TXLNA: variants seen among roughly 807,000 people sequenced by gnomAD.
TXLNA encodes alpha-taxilin.
A neutral mutation model predicts 61.4 loss-of-function variants in TXLNA; 9 were observed. The observed-to-expected ratio is 0.15, with a 90% CI of 0.09 to 0.26. The LOEUF (loss-of-function observed/expected upper bound fraction) is 0.26, where lower values mean the gene tolerates loss of function less well. Ranked by LOEUF, TXLNA falls within the 10% of genes least tolerant of loss-of-function variation. The pLI is 1.00. For missense variants in TXLNA, 565 were observed against 688.8 expected (o/e 0.82, Z 2.01); for synonymous variants, 257 against 267.7 (o/e 0.96, Z 0.39).
At chr1:32,183,039 C>T (rs578172085) in intron 3 of TXLNA, among the ~76,000 whole-genome samples, 2 of 152,018 alleles carry the variant, frequency 1.3e-5, no homozygotes, top group East Asian at 3.9e-4. Flanking sequence ...TGCACTCCAG[C>T]CTGGGTGACA....
intron 5 of TXLNA, 52 bp from the exon 6 acceptor site, chr1:32,190,003 C>T: frequency 1.3e-6 from 2 of 1,508,450 alleles, no homozygotes; most frequent in Non-Finnish European, 9.0e-7. Context: ...AGCTGGGGGA[C>T]CCTTGTGAGG....
Position 32,193,254 on chromosome 1 carries a change from C to A in TXLNA, c.1205C>A (p.Ser402Tyr), listed in dbSNP as rs1642945067. ...EKFEEFQNTL[S>Y]KSSEVFTTFK... ...TTTGAGGAGTTCCAGAACACACTTTCCAAAAGCAGCGAGGTATTCACCACA... is the reference window on the plus strand; with the variant it reads ...TTTGAGGAGTTCCAGAACACACTTTACAAAAGCAGCGAGGTATTCACCACA... Residue 402 changes from serine to tyrosine, a missense_variant, in exon 9 of 11, where the codon TCC becomes TAC. Ser to Tyr is a moderately radical substitution (Grantham distance 144). Around this residue, in one of 2 missense-constraint regions of TXLNA, gnomAD observed 373 missense variants for 504.0 expected, o/e 0.74. Coordinates refer to ENST00000373610, the MANE Select transcript of TXLNA (RefSeq NM_175852.4). 1 of 1,613,708 alleles carries A rather than the reference C, an allele frequency of 6.2e-7. No homozygotes were observed. Among genetic ancestry groups the A allele is most frequent in the Admixed American group, 1.7e-5 (1 of 59,950 alleles).
At chr1:32,180,847 C>G (rs1642639197) in intron 2 of TXLNA, among the ~76,000 whole-genome samples, 1 of 152,198 alleles carries the variant, frequency 6.6e-6, no homozygotes, top group Non-Finnish European at 1.5e-5. Context: ...CTAGAATGAT[C>G]TGAATGGCAA....
At chr1:32,189,704 C>G (rs1392265516) in intron 5 of TXLNA, among the ~76,000 whole-genome samples, 1 of 152,022 alleles carries the variant, frequency 6.6e-6, no homozygotes, top group African/African-American at 2.4e-5. Flanking sequence ...ACCATCACGC[C>G]GGCTAATTTT....
At position 32,181,360 on chromosome 1, in the gene TXLNA, C is replaced by T. The variant is rs909846319; in HGVS notation, c.288C>T (p.Gly96=). 30 of 1,613,982 alleles carry T rather than the reference C, an allele frequency of 1.9e-5. No individual in the cohort carries two copies. The highest frequency in any genetic ancestry group is 2.4e-5 in the Non-Finnish European group (28 of 1,180,020). The change falls in exon 3 of 11, where the codon GGC becomes GGT. Residue 96 remains glycine (G), a synonymous_variant. Transcript: ENST00000373610. ...TGGACAATAACCAGGGGGGCCCCGG[C>T]GAGGATGGGGCACAGGGTGAGCCGG... The part of the protein sequence containing the change: ...YCVDNNQGGP[G]EDGAQGEPAE...
In TXLNA at chr1:32,195,431, G is replaced by T; in HGVS notation, c.*236G>T. The T allele has an allele frequency of 1.7e-6, 1 of 582,288 alleles. No homozygotes were observed. The highest frequency in any genetic ancestry group is 4.5e-4 in the Middle Eastern group (1 of 2,208). The allele number at this position is 582,288 out of a possible 1,614,324, so 36.1% of individuals were successfully genotyped here. A position where few individuals can be genotyped will look rare whatever the true frequency, so the allele number is the denominator to read the frequency against. On this transcript the variant is annotated 3_prime_UTR_variant, in exon 11 of 11. Transcript: ENST00000373610. ...TACAGTGGGCTTGCATTGGGGATGGGGGTGTGTACAGATGAAGTCAGTGGC... is the reference window on the plus strand; with the variant it reads ...TACAGTGGGCTTGCATTGGGGATGGTGGTGTGTACAGATGAAGTCAGTGGC...
intron 5 of TXLNA, 24 bp downstream of exon 5, chr1:32,188,148 G>A (rs1642827186): frequency 6.6e-7 from 1 of 1,520,524 alleles, no homozygotes; most frequent in African/African-American, 1.4e-5. Context: ...CCCTGGAACA[G>A]GTGACTCTGG....
chr1:32,181,218 A>G (rs993830998), intron 2 of TXLNA, 24 bp from the exon 3 acceptor site: 5 of 1,523,062 alleles, frequency 3.3e-6, no homozygotes, highest in African/African-American at 1.4e-5. Flanking sequence ...TTCTCACTCT[A>G]CCCCTCATCC....
At position 32,192,999 on chromosome 1, in the gene TXLNA, G is replaced by A. The variant is rs962088706; in HGVS notation, c.1159-209G>A. On this transcript the variant is annotated intron_variant, in intron 8 of 10. Coordinates refer to ENST00000373610, the MANE Select transcript of TXLNA (RefSeq NM_175852.4). This position sits in a 1 kb window ranked among gnomAD's most constrained non-coding sequence, Gnocchi z 4.2. ...GAAGAGTTTGAAAATCAACATAAAG[G>A]CAAAATAAAAGTCACCCTAAGTCTC... 1.3e-5 allele frequency among the ~76,000 whole-genome samples: 2 copies of A among 152,008 alleles called. No individual in the cohort carries two copies. Among genetic ancestry groups the A allele is most frequent in the African/African-American group, 4.8e-5 (2 of 41,350 alleles).
intron 10 of TXLNA, 39 bp from the exon 11 acceptor site, chr1:32,194,863 G>A (rs1438519026): frequency 3.2e-6 from 5 of 1,556,634 alleles, no homozygotes; most frequent in Non-Finnish European, 4.3e-6. Context: ...GTGGGAGGTT[G>A]ATGGGGCACG....
At chr1:32,184,237 G>T (rs926049361) in intron 3 of TXLNA, among the ~76,000 whole-genome samples, 2 of 152,154 alleles carry the variant, frequency 1.3e-5, no homozygotes, top group African/African-American at 4.8e-5. Context: ...AGAGCAGGCA[G>T]TTTTTTTCTC....
chr1:32,180,152 G>T, intron 1 of TXLNA, 162 bp from the exon 2 acceptor site: 1 of 641,990 alleles, frequency 1.6e-6, no homozygotes, highest in Non-Finnish European at 2.5e-6. Context: ...GGCACGTCGG[G>T]CTCTCCTGAC....
intron 4 of TXLNA, among the ~76,000 whole-genome samples, chr1:32,185,389 T>TG (rs1386840630): frequency 1.9e-4 from 28 of 150,968 alleles, no homozygotes; most frequent in East Asian, 5.8e-4. Flanking sequence ...TATGTATGTA[T>TG]TTATTTATTT....
At position 32,194,777 on chromosome 1, in the gene TXLNA, T is replaced by G. The variant is rs959877774; in HGVS notation, c.1348-125T>G. 32 of 1,203,030 alleles carry G rather than the reference T, an allele frequency of 2.7e-5. No individual in the cohort carries two copies. The African/African-American group carries it at 4.6e-4, about 17-fold the overall frequency. The allele number at this position is 1,203,030 out of a possible 1,614,324, so 74.5% of individuals were successfully genotyped here. ...AGTCATGGCTTCAACTAGGACTGTT[T>G]CCTAGAGGGGGCCAGCTTTGGACTC... On this transcript the variant is annotated intron_variant, in intron 10 of 10. Transcript: ENST00000373610.
At chr1:32,194,008 C>G (rs1642961319) in intron 9 of TXLNA, 57 bp from the exon 10 acceptor site, 3 of 1,448,218 alleles carry the variant, frequency 2.1e-6, no homozygotes, top group African/African-American at 2.8e-5. Flanking sequence ...ACCTTGGAGA[C>G]ACAGACCTTG....
chr1:32,194,802 C>A, intron 10 of TXLNA, 100 bp from the exon 11 acceptor site: 1 of 1,403,360 alleles, frequency 7.1e-7, no homozygotes, highest in East Asian at 2.3e-5. Flanking sequence ...GCTTTGGACT[C>A]GGTCTGCTCT....
rs1215354201 is a variant in TXLNA at position 32,195,818 on chromosome 1, G to A, written c.*623G>A. The A allele has an allele frequency of 6.6e-6, 3 of 455,928 alleles. No individual in the cohort carries two copies. The East Asian group carries it at 2.1e-4, about 32-fold the overall frequency. 28.2% of individuals were successfully genotyped at this position (455,928 alleles called of 1,614,324 possible). A position where few individuals can be genotyped will look rare whatever the true frequency, so the allele number is the denominator to read the frequency against. The stretch of plus-strand genomic sequence containing the variant: ...TGATGTGCTGGTCAGGAGCCCCTTG[G>A]GCATCGCTTCCCCTGCCCTTTGGTA... On this transcript the variant is annotated 3_prime_UTR_variant, in exon 11 of 11. Transcript: ENST00000373610.
chr1:32,180,228 C>A (rs1373435323), intron 1 of TXLNA, 86 bp from the exon 2 acceptor site: 5 of 1,356,270 alleles, frequency 3.7e-6, no homozygotes, highest in Admixed American at 6.0e-5. Context: ...TTTTAAGAAG[C>A]TTTGTGCGCC....
chr1:32,194,263 T>C (rs1200067891), intron 10 of TXLNA, 103 bp downstream of exon 10: 1 of 937,198 alleles, frequency 1.1e-6, no homozygotes, highest in Non-Finnish European at 1.6e-6. Context: ...TAGCATGAGG[T>C]AGAGGTGAGA....
Sources: allele counts gnomAD v4.1 joint callset (sites outside exome capture counted in the v4.1 genomes callset), GRCh38; gene constraint gnomAD v4.1.1; regional missense constraint gnomAD v4.1.1; non-coding constraint Gnocchi (gnomAD v3.1); transcripts MANE v1.5; gene names NCBI Gene and HGNC (gene_info 2026-07-23, HGNC 2026-07-21).